Variants in PTPRD observed in about 807,000 individuals in gnomAD.
PTPRD encodes the protein protein tyrosine phosphatase receptor type D, also known as receptor-type tyrosine-protein phosphatase delta.
In PTPRD, 34 loss-of-function variants were observed where a neutral mutation model predicts 214.5. That is an observed-to-expected ratio of 0.16 (90% CI 0.12 to 0.21). The LOEUF is 0.21. PTPRD is among the 10% of genes least tolerant of loss of function. PTPRD has a pLI of 1.00. For synonymous variants in PTPRD, 1,128 were observed against 845.7 expected (o/e 1.33, Z -5.79); for missense variants, 2,545 against 2,398.7 (o/e 1.06, Z -1.27).
At chr9:10,165,549 C>T (rs186896454) in intron 3 of PTPRD, among the ~76,000 whole-genome samples, 225 of 151,700 alleles carry the variant, frequency 1.5e-3, no homozygotes, top group African/African-American at 5.2e-3. Flanking sequence ...TATGACAATA[C>T]GGCTAGTAAA....
At chr9:9,201,631 A>G (rs1321153830) in intron 9 of PTPRD, among the ~76,000 whole-genome samples, 1 of 152,206 alleles carries the variant, frequency 6.6e-6, no homozygotes, top group Non-Finnish European at 1.5e-5. Context: ...AAGCCACTTA[A>G]GTTTTAAATA....
intron 14 of PTPRD, among the ~76,000 whole-genome samples, chr9:8,561,854 T>C (rs2086519485): frequency 6.6e-6 from 1 of 151,974 alleles, no homozygotes; most frequent in African/African-American, 2.4e-5. Flanking sequence ...ATATATTTAG[T>C]GATCTAAATG....
At chr9:9,554,617 C>G (rs193073984) in intron 8 of PTPRD, among the ~76,000 whole-genome samples, 1 of 151,880 alleles carries the variant, frequency 6.6e-6, no homozygotes, top group Non-Finnish European at 1.5e-5. Context: ...TTGTTTGGCA[C>G]CTGAAGAAAT....
intron 4 of PTPRD, among the ~76,000 whole-genome samples, chr9:10,018,406 TC>T (rs1185395965): frequency 2.6e-5 from 4 of 152,084 alleles, no homozygotes; most frequent in African/African-American, 9.7e-5. Flanking sequence ...TAGATCTGTG[TC>T]CCCTTATAAA....
chr9:8,782,318 T>C (rs1760415172), intron 11 of PTPRD, among the ~76,000 whole-genome samples: 1 of 152,154 alleles, frequency 6.6e-6, no homozygotes, highest in African/African-American at 2.4e-5. Context: ...AATACATTGT[T>C]ATTAACTGTA....
intron 12 of PTPRD, among the ~76,000 whole-genome samples, chr9:8,642,894 G>A (rs924499316): frequency 2.0e-5 from 3 of 152,144 alleles, no homozygotes; most frequent in South Asian, 2.1e-4. Flanking sequence ...AACACATGAC[G>A]AAAGGGAGGG....
At chr9:9,419,128 T>TATAC (rs1555378609) in intron 8 of PTPRD, among the ~76,000 whole-genome samples, 8 of 139,900 alleles carry the variant, frequency 5.7e-5, no homozygotes, top group Non-Finnish European at 9.4e-5. Flanking sequence ...AGGCCCCTTA[T>TATAC]ACACACACAC....
chr9:9,704,128 A>G (rs763965925), intron 7 of PTPRD, among the ~76,000 whole-genome samples: 1 of 152,182 alleles, frequency 6.6e-6, no homozygotes, highest in South Asian at 2.1e-4. Flanking sequence ...TTTATATGTT[A>G]ATTTTCTGAA....
At chr9:8,815,186 G>A (rs10815956) in intron 11 of PTPRD, among the ~76,000 whole-genome samples, 25,851 of 151,754 alleles carry the variant, frequency 0.17, 2,312 homozygotes, top group East Asian at 0.33. Context: ...AAGATATAGA[G>A]TAGAAGCAGG....
At chr9:9,807,032 G>A (rs181028831) in intron 5 of PTPRD, among the ~76,000 whole-genome samples, 4 of 152,172 alleles carry the variant, frequency 2.6e-5, no homozygotes, top group African/African-American at 9.6e-5. Flanking sequence ...GAGTCAGATG[G>A]AATACTCGGA....
chr9:8,597,896 T>C (rs2094559526), intron 14 of PTPRD, among the ~76,000 whole-genome samples: 1 of 152,176 alleles, frequency 6.6e-6, no homozygotes, highest in African/African-American at 2.4e-5. Context: ...AAAAATGTAC[T>C]CATTTTTCTT....
chr9:10,482,241 GGT>G, intron 2 of PTPRD, among the ~76,000 whole-genome samples: 1 of 151,774 alleles, frequency 6.6e-6, no homozygotes, highest in East Asian at 2.0e-4. Context: ...CGTGGTGGCG[GGT>G]GCCTGTAGTC....
intron 11 of PTPRD, among the ~76,000 whole-genome samples, chr9:8,960,490 G>A (rs953521612): frequency 1.3e-5 from 2 of 152,074 alleles, no homozygotes. Flanking sequence ...TCTGACATGG[G>A]TACCCAGAAA....
intron 3 of PTPRD, among the ~76,000 whole-genome samples, chr9:10,189,546 T>C (rs985388118): frequency 6.6e-6 from 1 of 152,170 alleles, no homozygotes; most frequent in Non-Finnish European, 1.5e-5. Context: ...AAGAGAGCTA[T>C]TATAATATCA....
At chr9:9,458,603 T>A (rs1002751221) in intron 8 of PTPRD, among the ~76,000 whole-genome samples, 6 of 152,040 alleles carry the variant, frequency 3.9e-5, no homozygotes, top group African/African-American at 9.7e-5. Flanking sequence ...TGCTGTTGTT[T>A]CCCCAAGATG....
chr9:8,950,643 T>G (rs1340322676), intron 11 of PTPRD, among the ~76,000 whole-genome samples: 1 of 152,136 alleles, frequency 6.6e-6, no homozygotes, highest in Non-Finnish European at 1.5e-5. Flanking sequence ...AAGTATCCAT[T>G]TTTTCCAATA....
intron 39 of PTPRD, among the ~76,000 whole-genome samples, chr9:8,373,846 A>ATGTATGTG (rs576820766): frequency 0.097 from 10,975 of 113,320 alleles, 761 homozygotes; most frequent in African/African-American, 0.29. Context: ...GTATGTATGT[A>ATGTATGTG]TGTGTATGTG....
chr9:10,028,973 G>T (rs538928459), intron 4 of PTPRD, among the ~76,000 whole-genome samples: 1 of 152,044 alleles, frequency 6.6e-6, no homozygotes, highest in African/African-American at 2.4e-5. Context: ...GGGGCCCAGG[G>T]TCCCTGGGCT....
chr9:10,310,531 T>G (rs916019005), intron 3 of PTPRD, among the ~76,000 whole-genome samples: 1 of 152,004 alleles, frequency 6.6e-6, no homozygotes, highest in Non-Finnish European at 1.5e-5. Flanking sequence ...ATGTAATGTT[T>G]CTGTGACAAA....
Sources: allele counts gnomAD v4.1 joint callset (sites outside exome capture counted in the v4.1 genomes callset), GRCh38; gene constraint gnomAD v4.1.1; transcripts MANE v1.5; gene names NCBI Gene and HGNC (gene_info 2026-07-23, HGNC 2026-07-21).